The following PPARD variants were observed in gnomAD, a reference collection of about 807,000 sequenced individuals.
The protein encoded by PPARD is peroxisome proliferator-activated receptor delta.
Under a neutral mutation model 39.5 loss-of-function variants are expected in PPARD, and 6 were observed. The ratio of observed to expected loss-of-function variants is 0.15; its 90% CI spans 0.08 to 0.30. The LOEUF is 0.30. Among genes scored for constraint, PPARD ranks in the 10% least tolerant of loss-of-function variants. The pLI is 1.00. For synonymous variants in PPARD, 210 were observed against 231.3 expected (o/e 0.91, Z 0.83); for missense variants, 397 against 596.8 (o/e 0.67, Z 3.49).
Position 35,401,625 on chromosome 6 carries a change from C to T in PPARD, c.-101-9362C>T, listed in dbSNP as rs145396882. ...CACTGTTCCCATCACCCTGGAATCC[C>T]ACTCAGCCTGCCTGGGCCAGAGGCT... On this transcript the variant is annotated intron_variant, in intron 2 of 7. Transcript: ENST00000360694. This position sits in a 1 kb window ranked among gnomAD's most constrained non-coding sequence, Gnocchi z 4.1. Among the ~76,000 whole-genome samples the T allele has an allele frequency of 6.6e-6, 1 of 152,308 alleles. No individual in the cohort carries two copies. The highest frequency in any genetic ancestry group is 1.9e-4 in the East Asian group (1 of 5,188).
chr6:35,374,927 C>CT (rs1245742382), intron 2 of PPARD, among the ~76,000 whole-genome samples: 2 of 152,122 alleles, frequency 1.3e-5, no homozygotes, highest in Non-Finnish European at 2.9e-5. Flanking sequence ...GCCACCAAGT[C>CT]TTGTTTGTCC....
At chr6:35,353,764 A>G (rs1331406826) in intron 2 of PPARD, among the ~76,000 whole-genome samples, 1 of 152,140 alleles carries the variant, frequency 6.6e-6, no homozygotes, top group African/African-American at 2.4e-5. Context: ...GTCAGATTGG[A>G]GCAACTACTT....
chr6:35,400,956 A>G (rs1449360207), intron 2 of PPARD, among the ~76,000 whole-genome samples: 1 of 152,154 alleles, frequency 6.6e-6, no homozygotes, highest in African/African-American at 2.4e-5. Context: ...AAGCCTGGGA[A>G]TGTGGCTGTT....
chr6:35,422,725 T>C (rs1051693903), intron 5 of PPARD, among the ~76,000 whole-genome samples: 2 of 152,162 alleles, frequency 1.3e-5, no homozygotes, highest in Admixed American at 1.3e-4. Flanking sequence ...CTGGCAGGTC[T>C]GGGTTTGACT....
At chr6:35,385,421 A>G in intron 2 of PPARD, among the ~76,000 whole-genome samples, 1 of 150,414 alleles carries the variant, frequency 6.6e-6, no homozygotes, top group African/African-American at 2.4e-5. Flanking sequence ...TGTTAAACAG[A>G]TGCTTGAAGG....
chr6:35,345,266 GA>G (rs1401887852), intron 1 of PPARD, among the ~76,000 whole-genome samples: 1 of 152,116 alleles, frequency 6.6e-6, no homozygotes, highest in African/African-American at 2.4e-5. Context: ...GATTTTTGCA[GA>G]GTCTGGGTCT....
At chr6:35,343,334 C>A (rs947207925) in intron 1 of PPARD, among the ~76,000 whole-genome samples, 8 of 152,172 alleles carry the variant, frequency 5.3e-5, no homozygotes, top group African/African-American at 1.9e-4. Flanking sequence ...GTCCCTGTCT[C>A]CCTAAGACTC....
intron 2 of PPARD, among the ~76,000 whole-genome samples, chr6:35,354,256 G>T (rs1412718443): frequency 7.1e-6 from 1 of 140,700 alleles, no homozygotes; most frequent in Non-Finnish European, 1.5e-5. Context: ...AAAAAAAAGC[G>T]ATACACATTC....
At chr6:35,353,512 T>C (rs1562169080) in intron 2 of PPARD, among the ~76,000 whole-genome samples, 3 of 152,202 alleles carry the variant, frequency 2.0e-5, no homozygotes, top group Admixed American at 6.5e-5. Flanking sequence ...ATTTAGGTTT[T>C]ATTGTCAAAG....
At chr6:35,417,440 G>A (rs556559246) in intron 3 of PPARD, among the ~76,000 whole-genome samples, 170 of 151,006 alleles carry the variant, frequency 1.1e-3, no homozygotes, top group Non-Finnish European at 2.1e-3. Flanking sequence ...CAGGTGCCAC[G>A]ACACCCAACT....
At chr6:35,355,308 G>A (rs1458425550) in intron 2 of PPARD, among the ~76,000 whole-genome samples, 1 of 151,860 alleles carries the variant, frequency 6.6e-6, no homozygotes, top group Non-Finnish European at 1.5e-5. Context: ...AAATTATCTG[G>A]GCACGGTGGC....
In PPARD at chr6:35,424,918, CACTG is replaced by C; in HGVS notation, c.1078+145_1078+148del. The C allele has an allele frequency of 6.9e-7, 1 of 1,451,312 alleles. No homozygotes were observed. The highest frequency in any genetic ancestry group is 9.0e-7 in the Non-Finnish European group (1 of 1,106,194). 89.9% of individuals were successfully genotyped at this position (1,451,312 alleles called of 1,614,324 possible). ...GATCTTGGCAGTGGAACATGCAAGG[CACTG>C]ACTGAGCATGCAGGATCAGCTCCAT... On this transcript the variant is annotated intron_variant, in intron 7 of 7. Coordinates refer to ENST00000360694, the MANE Select transcript of PPARD (RefSeq NM_006238.5). This position sits in a 1 kb window ranked among gnomAD's most constrained non-coding sequence, Gnocchi z 7.1.
intron 1 of PPARD, among the ~76,000 whole-genome samples, 161 bp from the exon 2 acceptor site, chr6:35,346,906 G>C (rs770033318): frequency 2.0e-5 from 3 of 152,228 alleles, no homozygotes; most frequent in Non-Finnish European, 4.4e-5. Flanking sequence ...TGCTGACTCA[G>C]GCTCAGAATC....
At position 35,412,965 on chromosome 6, in the gene PPARD, G is replaced by C. The variant is rs9658146; in HGVS notation, c.130+1748G>C. 1.3e-5 allele frequency among the ~76,000 whole-genome samples: 2 copies of C among 152,192 alleles called. No individual in the cohort carries two copies. Among genetic ancestry groups the C allele is most frequent in the Admixed American group, 6.5e-5 (1 of 15,284 alleles). ...GGAAGACAGTGGGGACTAAGAATGA[G>C]TGTGGGATGTCATGAGGATTCAGGG... On this transcript the variant is annotated intron_variant, in intron 3 of 7. Coordinates refer to ENST00000360694, the MANE Select transcript of PPARD (RefSeq NM_006238.5). This position sits in a 1 kb window ranked among gnomAD's most constrained non-coding sequence, Gnocchi z 4.1.
chr6:35,364,680 C>T (rs1762096443), intron 2 of PPARD, among the ~76,000 whole-genome samples: 1 of 151,430 alleles, frequency 6.6e-6, no homozygotes, highest in South Asian at 2.1e-4. Context: ...CTCAGGCAAT[C>T]TCCCCGCCTT....
intron 2 of PPARD, among the ~76,000 whole-genome samples, chr6:35,389,436 C>G (rs1474021345): frequency 6.6e-6 from 1 of 152,118 alleles, no homozygotes; most frequent in Admixed American, 6.5e-5. Context: ...CTCAGCCTCT[C>G]GAGTAGCTGG....
At chr6:35,355,812 G>T (rs1185221880) in intron 2 of PPARD, among the ~76,000 whole-genome samples, 3 of 151,222 alleles carry the variant, frequency 2.0e-5, no homozygotes, top group Non-Finnish European at 4.4e-5. Flanking sequence ...AGGGTTTCAC[G>T]GTGTTAGCCA....
At chr6:35,423,532 C>CAA (rs201523237) in intron 5 of PPARD, among the ~76,000 whole-genome samples, 5 of 110,076 alleles carry the variant, frequency 4.5e-5, no homozygotes, top group South Asian at 2.8e-4. Context: ...GACTCTGTCT[C>CAA]AAAAAAAAAA....
chr6:35,397,518 G>A, intron 2 of PPARD: 1 of 985,014 alleles, frequency 1.0e-6, no homozygotes, highest in Non-Finnish European at 1.2e-6. Context: ...GGTCTGGAGT[G>A]GTCTGGAAAG....
Sources: gnomAD v4.1 joint callset for allele counts (sites outside exome capture counted in the v4.1 genomes callset) on GRCh38, gnomAD v4.1.1 for gene constraint, Gnocchi (gnomAD v3.1) non-coding constraint, MANE v1.5 for transcripts, NCBI Gene and HGNC (gene_info 2026-07-23, HGNC 2026-07-21) for gene names.